The following KIAA2012 variants were observed in gnomAD, a reference collection of about 807,000 sequenced individuals.
The protein encoded by KIAA2012 is KIAA2012.
Under a neutral mutation model 150.6 loss-of-function variants are expected in KIAA2012, and 125 were observed. The ratio of observed to expected loss-of-function variants is 0.83; its 90% CI spans 0.72 to 0.96. The LOEUF (loss-of-function observed/expected upper bound fraction) is 0.96. Ranked by LOEUF, KIAA2012 falls within the 40% of genes least tolerant of loss-of-function variation. KIAA2012 has a pLI of 0.00. For synonymous variants in KIAA2012, 462 were observed against 504.7 expected (o/e 0.92, Z 1.13); for missense variants, 1,219 against 1,354.9 (o/e 0.90, Z 1.57).
intron 13 of KIAA2012, among the ~76,000 whole-genome samples, chr2:202,151,406 T>C (rs1410635227): frequency 3.3e-5 from 5 of 151,570 alleles, no homozygotes; most frequent in Admixed American, 2.6e-4. Flanking sequence ...CAAAAAATAA[T>C]AATAATAATA....
At chr2:202,169,555 T>A (rs905969972) in intron 15 of KIAA2012, among the ~76,000 whole-genome samples, 2 of 152,208 alleles carry the variant, frequency 1.3e-5, no homozygotes, top group African/African-American at 2.4e-5. Context: ...AATGCCCTCA[T>A]TAACCTGATA....
chr2:202,171,689 C>A (rs900298350), intron 15 of KIAA2012, among the ~76,000 whole-genome samples: 1 of 152,124 alleles, frequency 6.6e-6, no homozygotes, highest in Non-Finnish European at 1.5e-5. Context: ...GTCTAAACAT[C>A]TGAAAAGCAG....
chr2:202,117,601 G>A (rs1690558029), intron 11 of KIAA2012, among the ~76,000 whole-genome samples: 1 of 152,184 alleles, frequency 6.6e-6, no homozygotes, highest in Admixed American at 6.5e-5. Flanking sequence ...GTGATCACAG[G>A]CAAATAACTT....
chr2:202,076,968 GAGAGGGAGAAGA>G (rs1261290523), intron 2 of KIAA2012: 1 of 456,828 alleles, frequency 2.2e-6, no homozygotes, highest in East Asian at 6.9e-5. Flanking sequence ...AAAGAGATTG[GAGAGGGAGAAGA>G]AGAGGAAGAC....
At chr2:202,114,021 C>T (rs1690451039) in intron 11 of KIAA2012, 1 of 153,278 alleles carries the variant, frequency 6.5e-6, no homozygotes, top group East Asian at 1.9e-4. Flanking sequence ...CAGAAACCAC[C>T]GTGATGTGTA....
chr2:202,200,213 G>A (rs1404367645), intron 22 of KIAA2012, among the ~76,000 whole-genome samples: 2 of 152,104 alleles, frequency 1.3e-5, no homozygotes, highest in African/African-American at 2.4e-5. Context: ...TTACAGGCGT[G>A]AGCCACTGCA....
chr2:202,159,062 A>G (rs1691597333), intron 14 of KIAA2012, among the ~76,000 whole-genome samples: 1 of 152,158 alleles, frequency 6.6e-6, no homozygotes, highest in South Asian at 2.1e-4. Context: ...GAGCTGCCCC[A>G]CCTGTTTTGA....
Position 202,190,268 on chromosome 2 carries a change from G to T in KIAA2012, c.2586G>T (p.Ala862=). The change falls in exon 19 of 24, where the codon GCG becomes GCT. Residue 862 remains alanine, a synonymous_variant. Transcript: ENST00000498697. ...RTQKERNLEI[A]AELSGPDVSY... ...AGAAGGAAAGAAATCTGGAGATAGC[G>T]GCAGAGCTGAGCGGGCCTGATGTCA... The T allele has an allele frequency of 1.3e-6, 2 of 1,550,404 alleles. No individual in the cohort carries two copies. Among genetic ancestry groups the T allele is most frequent in the Non-Finnish European group, 1.7e-6 (2 of 1,146,978 alleles).
At chr2:202,089,670 A>C (rs931567087) in intron 2 of KIAA2012, among the ~76,000 whole-genome samples, 2 of 152,200 alleles carry the variant, frequency 1.3e-5, no homozygotes, top group Non-Finnish European at 2.9e-5. Context: ...TGGAGCATCC[A>C]AGAATATATG....
At chr2:202,125,943 T>TAA in intron 12 of KIAA2012, 1 of 203,484 alleles carries the variant, frequency 4.9e-6, no homozygotes, top group Non-Finnish European at 8.7e-6. Flanking sequence ...TGCTTTTTTT[T>TAA]TTTTTTTTTT....
intron 16 of KIAA2012, among the ~76,000 whole-genome samples, chr2:202,185,382 G>C (rs1692207208): frequency 6.6e-6 from 1 of 152,072 alleles, no homozygotes; most frequent in Admixed American, 6.6e-5. Flanking sequence ...CCTCCATCTG[G>C]AACCACAGCC....
Position 202,154,768 on chromosome 2 carries a change from T to C in KIAA2012, c.2004T>C (p.Phe668=), listed in dbSNP as rs927851823. 46 of 1,549,924 alleles carry C rather than the reference T, an allele frequency of 3.0e-5. No individual in the cohort carries two copies. Among genetic ancestry groups the C allele is most frequent in the Non-Finnish European group, 4.0e-5 (46 of 1,146,916 alleles). ...KALICSNRKE[F]YTRKLHIDMT... The stretch of plus-strand genomic sequence containing the variant: ...TGATATGTTCAAACAGAAAAGAATT[T>C]TACACGCGCAAGCTGCACATCGACA... Residue 668 remains phenylalanine (F), a synonymous_variant, in exon 14 of 24, where the codon TTT becomes TTC. Coordinates refer to ENST00000498697, the MANE Select transcript of KIAA2012 (RefSeq NM_001277372.4).
In KIAA2012 at chr2:202,190,388, G is replaced by T; in HGVS notation, c.2706G>T (p.Gln902His). The T allele has an allele frequency of 6.4e-7, 1 of 1,550,592 alleles. No homozygotes were observed. The change falls in exon 19 of 24, where the codon CAG becomes CAT. Residue 902 changes from glutamine (Q) to histidine (H), a missense_variant. Coordinates refer to ENST00000498697, the MANE Select transcript of KIAA2012 (RefSeq NM_001277372.4). ...DPWLSPKYDA[Q>H]ESQVSLDGRS... is the part of the protein sequence containing the mutation. The stretch of plus-strand genomic sequence containing the variant: ...GGCTTTCTCCCAAATATGATGCCCA[G>T]GAAAGCCAAGTTTCTCTAGATGGAA...
intron 14 of KIAA2012, among the ~76,000 whole-genome samples, chr2:202,163,549 C>T (rs1234434796): frequency 3.3e-5 from 5 of 152,188 alleles, no homozygotes; most frequent in Admixed American, 2.6e-4. Flanking sequence ...CCCTGAGTTT[C>T]TCTATCTCCC....
intron 14 of KIAA2012, among the ~76,000 whole-genome samples, chr2:202,158,763 G>T (rs561194366): frequency 6.6e-6 from 1 of 152,300 alleles, no homozygotes; most frequent in African/African-American, 2.4e-5. Context: ...GGTAATTGAT[G>T]AATGAATAAG....
intron 2 of KIAA2012, chr2:202,076,805 T>G: frequency 2.7e-6 from 1 of 366,640 alleles, no homozygotes; most frequent in South Asian, 2.0e-5. Flanking sequence ...CACTGGTCAT[T>G]GTGCTGGTCA....
At chr2:202,085,334 T>C (rs1689537010) in intron 2 of KIAA2012, among the ~76,000 whole-genome samples, 1 of 152,204 alleles carries the variant, frequency 6.6e-6, no homozygotes. Context: ...CATCAATAGA[T>C]GGCCTCGAAA....
At chr2:202,119,624 A>T (rs1273018741) in intron 11 of KIAA2012, among the ~76,000 whole-genome samples, 1 of 152,150 alleles carries the variant, frequency 6.6e-6, no homozygotes, top group Non-Finnish European at 1.5e-5. Flanking sequence ...ACTTCTCTGA[A>T]CCCAACTAAC....
chr2:202,139,505 C>T (rs1691154227), intron 13 of KIAA2012, among the ~76,000 whole-genome samples: 1 of 152,168 alleles, frequency 6.6e-6, no homozygotes, highest in African/African-American at 2.4e-5. Flanking sequence ...TTCTGTCCAC[C>T]TTCCTTCCTG....
Sources: allele counts gnomAD v4.1 joint callset (sites outside exome capture counted in the v4.1 genomes callset), GRCh38; gene constraint gnomAD v4.1.1; transcripts MANE v1.5; gene names NCBI Gene and HGNC (gene_info 2026-07-23, HGNC 2026-07-21).